TMEM8B: variants seen among roughly 807,000 people sequenced by gnomAD.
TMEM8B encodes the protein nasopharyngeal carcinoma expressed 6.
A neutral mutation model predicts 49.3 loss-of-function variants in TMEM8B; 29 were observed. That is an observed-to-expected ratio of 0.59 (90% CI 0.44 to 0.80). The LOEUF is 0.80. Ranked by LOEUF, TMEM8B falls within the 30% of genes least tolerant of loss-of-function variation. TMEM8B has a pLI of 0.00. For missense variants in TMEM8B, 575 were observed against 658.5 expected (o/e 0.87, Z 1.39); for synonymous variants, 264 against 272.8 (o/e 0.97, Z 0.32).
At position 35,853,419 on chromosome 9, in the gene TMEM8B, G is replaced by A; in HGVS notation, c.2440-86G>A. 1 of 1,534,474 alleles carries A rather than the reference G, an allele frequency of 6.5e-7. No homozygotes were observed. The highest frequency in any genetic ancestry group is 8.8e-7 in the Non-Finnish European group (1 of 1,140,684). The stretch of plus-strand genomic sequence containing the variant: ...GCAGGTGTCTTTAGGTCACAACCAG[G>A]ATACAGAGGAAACCTGAGAGTGACC... On this transcript the variant is annotated intron_variant, in intron 12 of 12. Transcript: ENST00000643932. The surrounding 1 kb of genome is among the most constrained non-coding windows in gnomAD (Gnocchi z 4.2).
In TMEM8B at chr9:35,842,475, C is replaced by T; in HGVS notation, c.1393C>T (p.Pro465Ser). The T allele has an allele frequency of 2.5e-6, 4 of 1,594,628 alleles. No individual in the cohort carries two copies. Among genetic ancestry groups the T allele is most frequent in the Non-Finnish European group, 3.4e-6 (4 of 1,167,560 alleles). ...MPQSLGNQPL[P>S]PEPPSLGTPA... is the part of the protein sequence containing the mutation. ...CCAGTCCCTGGGCAACCAGCCACTG[C>T]CCCCAGAACCGCCATCCCTTGGAAC... Residue 465 changes from proline to serine, a missense_variant, in exon 6 of 13, where the codon CCC becomes TCC. Physicochemically the swap from Pro to Ser is moderately conservative, Grantham distance 74. Coordinates refer to ENST00000643932, the MANE Select transcript of TMEM8B (RefSeq NM_001042590.4). This position sits in a 1 kb window ranked among gnomAD's most constrained non-coding sequence, Gnocchi z 5.6.
intron 1 of TMEM8B, among the ~76,000 whole-genome samples, chr9:35,832,794 G>C (rs1257048558): frequency 6.6e-6 from 1 of 152,122 alleles, no homozygotes; most frequent in African/African-American, 2.4e-5. Flanking sequence ...TAGTATCCAG[G>C]CTGTTCACCT....
rs991889964 is a variant in TMEM8B, at chr9:35,861,342, G to A, written c.*7502G>A. On this transcript the variant is annotated 3_prime_UTR_variant, in exon 13 of 13. Coordinates refer to ENST00000643932, the MANE Select transcript of TMEM8B (RefSeq NM_001042590.4). ...GCGTGTCCTCCCGCCCATCCCCAGT[G>A]GGGGGTGTTCTGCCCATTCTCCAGA... The A allele has an allele frequency of 2.6e-5, 4 of 152,418 alleles. No homozygotes were observed. Among genetic ancestry groups the A allele is most frequent in the African/African-American group, 7.2e-5 (3 of 41,446 alleles). 9.4% of individuals were successfully genotyped at this position (152,418 alleles called of 1,614,324 possible).
At position 35,846,562 on chromosome 9, in the gene TMEM8B, GCTGCTGCGCACA is replaced by G; in HGVS notation, c.1949_1960del (p.Leu650_Thr653del). 1 of 1,573,504 alleles carries G rather than the reference GCTGCTGCGCACA, an allele frequency of 6.4e-7. No homozygotes were observed. Among genetic ancestry groups the G allele is most frequent in the Non-Finnish European group, 8.6e-7 (1 of 1,159,376 alleles). On this transcript the variant is annotated inframe_deletion, in exon 9 of 13. Transcript: ENST00000643932. ...ACTGCGGGCCCTACGGCCAGTGCAA[GCTGCTGCGCACA>G]CACAATTATCTGTACGCAGCCTGCG... is the stretch of plus-strand genomic sequence containing the variant.
intron 10 of TMEM8B, 43 bp from the exon 11 acceptor site, chr9:35,852,784 C>G (rs2132399421): frequency 6.2e-7 from 1 of 1,612,568 alleles, no homozygotes; most frequent in African/African-American, 1.3e-5. Context: ...AGATCTGGAC[C>G]TCTGCCTCAA....
intron 6 of TMEM8B, among the ~76,000 whole-genome samples, chr9:35,844,109 A>C (rs1831279276): frequency 6.6e-6 from 1 of 152,038 alleles, no homozygotes; most frequent in Non-Finnish European, 1.5e-5. Context: ...TTCCACATTA[A>C]TTACTTTGTT....
In TMEM8B at chr9:35,841,164, C is replaced by T; in HGVS notation, c.937C>T (p.Gln313Ter). ...GLQDECQYLL[Q>*]PQLIVRRLLD... is the part of the protein sequence containing the mutation. ...CCAGGATGAGTGTCAGTACCTCCTT[C>T]AGCCGCAGCTGATTGTCCGGCGTTT... is the stretch of plus-strand genomic sequence containing the variant. The change falls in exon 4 of 13, where the codon CAG (glutamine) becomes TAG (stop). Residue 313 changes from glutamine to a stop codon, truncating the protein, a stop_gained. Coordinates refer to ENST00000643932, the MANE Select transcript of TMEM8B (RefSeq NM_001042590.4). LOFTEE classifies it high-confidence loss of function. The surrounding 1 kb of genome is among the most constrained non-coding windows in gnomAD (Gnocchi z 5.9). 2.4e-6 allele frequency: 1 copy of T among 415,986 alleles called. No individual in the cohort carries two copies. The highest frequency in any genetic ancestry group is 4.4e-6 in the Non-Finnish European group (1 of 226,560). 25.8% of individuals were successfully genotyped at this position (415,986 alleles called of 1,614,324 possible).
At chr9:35,851,678 A>G (rs1173819908) in intron 10 of TMEM8B, among the ~76,000 whole-genome samples, 1 of 152,238 alleles carries the variant, frequency 6.6e-6, no homozygotes, top group African/African-American at 2.4e-5. Context: ...AAGAAGATAG[A>G]TACGCAAGCT....
chr9:35,848,441 A>C (rs553970885), intron 10 of TMEM8B, among the ~76,000 whole-genome samples: 1 of 152,292 alleles, frequency 6.6e-6, no homozygotes, highest in South Asian at 2.1e-4. Flanking sequence ...CATAATTAGT[A>C]AGAATACCTA....
intron 1 of TMEM8B, among the ~76,000 whole-genome samples, chr9:35,833,693 TC>T (rs1830145029): frequency 6.6e-6 from 1 of 152,174 alleles, no homozygotes; most frequent in South Asian, 2.1e-4. Context: ...GGGGGAACAT[TC>T]CCCCGGCCCC....
rs1263783643 is a variant in TMEM8B, at chr9:35,829,627, C to T, written c.180C>T (p.Pro60=). Residue 60 remains proline (P), a synonymous_variant, in exon 1 of 13, where the codon CCC becomes CCT. Transcript: ENST00000643932. ...PPSRPRPSFH[P]LSQIPAQALS... is the part of the protein sequence containing the mutation. Reference sequence around the variant, plus strand: ...CCCGGCCTCGGCCCTCGTTCCACCCCCTGTCACAAATCCCAGCCCAGGCCC... The same window carrying T: ...CCCGGCCTCGGCCCTCGTTCCACCCTCTGTCACAAATCCCAGCCCAGGCCC... The T allele has an allele frequency of 2.5e-6, 1 of 400,366 alleles. No individual in the cohort carries two copies. The highest frequency in any genetic ancestry group is 2.1e-5 in the African/African-American group (1 of 48,606). 24.8% of individuals were successfully genotyped at this position (400,366 alleles called of 1,614,324 possible).
chr9:35,845,898 AG>A, intron 6 of TMEM8B, 76 bp from the exon 7 acceptor site: 5 of 1,607,278 alleles, frequency 3.1e-6, no homozygotes, highest in Non-Finnish European at 3.4e-6. Context: ...GTGGGTTAAC[AG>A]GGGTGGGAGT....
Position 35,845,961 on chromosome 9 carries a change from C to A in TMEM8B, c.1636-14C>A. On this transcript the variant is annotated splice_polypyrimidine_tract_variant and intron_variant, in intron 6 of 12. Coordinates refer to ENST00000643932, the MANE Select transcript of TMEM8B (RefSeq NM_001042590.4). ...AGGATGTGGCGGCCTCACTTCCATACCTGCCCTCCCCAGAGCTCCGTGCGC... is the reference window on the plus strand; with the variant it reads ...AGGATGTGGCGGCCTCACTTCCATAACTGCCCTCCCCAGAGCTCCGTGCGC... 1.2e-6 allele frequency: 2 copies of A among 1,613,732 alleles called. No individual in the cohort carries two copies. Among genetic ancestry groups the A allele is most frequent in the Non-Finnish European group, 1.7e-6 (2 of 1,179,812 alleles).
intron 10 of TMEM8B, among the ~76,000 whole-genome samples, chr9:35,847,587 A>G (rs138503728): frequency 6.6e-6 from 1 of 152,312 alleles, no homozygotes; most frequent in East Asian, 1.9e-4. Context: ...GGATCTCTCT[A>G]TTGGGGGATT....
chr9:35,847,113 C>T (rs2132353445), intron 10 of TMEM8B, 118 bp downstream of exon 10: 1 of 1,614,218 alleles, frequency 6.2e-7, no homozygotes, highest in East Asian at 2.2e-5. Context: ...ACTGTGTCTT[C>T]TACAGACAGA....
rs1831597044 is a variant in TMEM8B at position 35,846,561 on chromosome 9, A to G, written c.1946A>G (p.Lys649Arg). The change falls in exon 9 of 13, where the codon AAG becomes AGG. Residue 649 changes from lysine (K) to arginine (R), a missense_variant. Physicochemically the swap from Lys to Arg is conservative, Grantham distance 26. Transcript: ENST00000643932. ...GACTGCGGGCCCTACGGCCAGTGCA[A>G]GCTGCTGCGCACACACAATTATCTG... ...VDDCGPYGQCKLLRTHNYLYA... is the reference protein window; with the variant it reads ...VDDCGPYGQCRLLRTHNYLYA... The G allele has an allele frequency of 6.4e-7, 1 of 1,573,698 alleles. No individual in the cohort carries two copies. The highest frequency in any genetic ancestry group is 8.6e-7 in the Non-Finnish European group (1 of 1,159,504).
intron 3 of TMEM8B, among the ~76,000 whole-genome samples, chr9:35,836,741 A>G (rs552138999): frequency 9.1e-4 from 138 of 152,326 alleles, no homozygotes; most frequent in African/African-American, 3.0e-3. Flanking sequence ...GCATCTAGAC[A>G]TGGGAAGCGG....
In TMEM8B at chr9:35,864,046, CAG is replaced by C. The variant is rs916010940; in HGVS notation, c.*10209_*10210del. ...CCCCGGTTTTACGCCTCTTGAGAAGCAGAGTGATGCCTAGAATGAGCCCTGGA... is the reference window on the plus strand; with the variant it reads ...CCCCGGTTTTACGCCTCTTGAGAAGCAGTGATGCCTAGAATGAGCCCTGGA... On this transcript the variant is annotated 3_prime_UTR_variant, in exon 13 of 13. Transcript: ENST00000643932. The C allele has an allele frequency of 2.6e-5, 4 of 152,318 alleles. No homozygotes were observed. Among genetic ancestry groups the C allele is most frequent in the Admixed American group, 2.6e-4 (4 of 15,306 alleles). 9.4% of individuals were successfully genotyped at this position (152,318 alleles called of 1,614,324 possible). A position where few individuals can be genotyped will look rare whatever the true frequency, so the allele number is the denominator to read the frequency against.
At chr9:35,832,448 G>T (rs925179425) in intron 1 of TMEM8B, among the ~76,000 whole-genome samples, 1 of 152,044 alleles carries the variant, frequency 6.6e-6, no homozygotes, top group Non-Finnish European at 1.5e-5. Flanking sequence ...CCCAGCTGCT[G>T]CTCACTCCTT....
Sources: gnomAD v4.1 joint callset for allele counts (sites outside exome capture counted in the v4.1 genomes callset) on GRCh38, gnomAD v4.1.1 for gene constraint, Gnocchi (gnomAD v3.1) non-coding constraint, MANE v1.5 for transcripts, NCBI Gene and HGNC (gene_info 2026-07-23, HGNC 2026-07-21) for gene names.